GRIA1: variants seen among roughly 807,000 people sequenced by gnomAD.
GRIA1 encodes glutamate ionotropic receptor AMPA type subunit 1.
In GRIA1, 31 loss-of-function variants were observed where a neutral mutation model predicts 99.2. That is an observed-to-expected ratio of 0.31 (90% CI 0.23 to 0.42). The LOEUF (loss-of-function observed/expected upper bound fraction) is 0.42. Ranked by LOEUF, GRIA1 falls within the 10% of genes least tolerant of loss-of-function variation. The probability of loss-of-function intolerance (pLI) is 1.00; values close to 1 mark genes in which losing one functional copy is unlikely to be tolerated. For synonymous variants in GRIA1, 438 were observed against 432.4 expected, an observed-to-expected ratio of 1.01 and a Z score of -0.16; for missense variants, 782 against 1,157.5, an observed-to-expected ratio of 0.68 and a Z score of 4.71.
At position 153,705,693 on chromosome 5, in the gene GRIA1, T is replaced by TTTTTTTTC; in HGVS notation, c.1453-4_1453-3insTTTTTTTC. On this transcript the variant is annotated splice_polypyrimidine_tract_variant and splice_region_variant and intron_variant, in intron 10 of 15. Coordinates refer to ENST00000285900, the MANE Select transcript of GRIA1 (RefSeq NM_000827.4). ...TTTTTTTTTTTTTTTTTTTTTTTTT[T>TTTTTTTTC]CAGAGAGCAGATGTGGCTGTGGCTC... 1.8e-6 allele frequency: 2 copies of TTTTTTTTC among 1,101,464 alleles called. No individual in the cohort carries two copies. Among genetic ancestry groups the TTTTTTTTC allele is most frequent in the Admixed American group, 3.7e-5 (1 of 27,112 alleles). 68.2% of individuals were successfully genotyped at this position (1,101,464 alleles called of 1,614,324 possible). A position where few individuals can be genotyped will look rare whatever the true frequency, so the allele number is the denominator to read the frequency against.
Position 153,725,757 on chromosome 5 carries a change from A to G in GRIA1, c.1823+19690A>G, listed in dbSNP as rs558884943. Among the ~76,000 whole-genome samples the G allele has an allele frequency of 2.3e-4, 27 of 118,360 alleles. 1 individual carries two copies. The South Asian group carries it at 6.2e-3, about 27-fold the overall frequency. The allele number at this position is 118,360 out of a possible 152,430, so 77.6% of individuals were successfully genotyped here. A position where few individuals can be genotyped will look rare whatever the true frequency, so the allele number is the denominator to read the frequency against. On this transcript the variant is annotated intron_variant, in intron 11 of 15. Transcript: ENST00000285900. ...TCATAAAGCAAGTCCTGAGTGACCT[A>G]TGAAGAGACTTAGACTCCCACACAA...
At chr5:153,658,132 C>T (rs1027159361) in intron 5 of GRIA1, among the ~76,000 whole-genome samples, 4 of 152,140 alleles carry the variant, frequency 2.6e-5, no homozygotes, top group African/African-American at 9.7e-5. Context: ...AGGCAGTATT[C>T]AGGCCTTTTC....
intron 2 of GRIA1, among the ~76,000 whole-genome samples, chr5:153,535,588 G>A (rs565039996): frequency 3.8e-4 from 58 of 152,350 alleles, no homozygotes; most frequent in Non-Finnish European, 6.8e-4. Context: ...TGAGTAATGT[G>A]AATGTGAACA....
In GRIA1 at chr5:153,770,331, G is replaced by A. The variant is rs370642711; in HGVS notation, c.2186G>A (p.Arg729Gln). ...ACCATGAATGAGTACATTGAGCAGCGGAAACCCTGTGACACCATGAAGGTG... is the reference window on the plus strand; with the variant it reads ...ACCATGAATGAGTACATTGAGCAGCAGAAACCCTGTGACACCATGAAGGTG... ...ESTMNEYIEQ[R>Q]KPCDTMKVGG... is the part of the protein sequence containing the mutation. Residue 729 changes from arginine to glutamine, a missense_variant, in exon 13 of 16, where the codon CGG becomes CAG. Coordinates refer to ENST00000285900, the MANE Select transcript of GRIA1 (RefSeq NM_000827.4). The A allele has an allele frequency of 1.8e-5, 29 of 1,613,798 alleles. No individual in the cohort carries two copies. Among genetic ancestry groups the A allele is most frequent in the African/African-American group, 5.3e-5 (4 of 74,878 alleles).
chr5:153,545,759 CT>C (rs1407160515), intron 2 of GRIA1, among the ~76,000 whole-genome samples: 7 of 152,156 alleles, frequency 4.6e-5, no homozygotes, highest in Non-Finnish European at 1.0e-4. Context: ...TGATTGGTCC[CT>C]CTTATAATTG....
intron 2 of GRIA1, among the ~76,000 whole-genome samples, chr5:153,511,952 C>G (rs916209342): frequency 6.6e-6 from 1 of 152,194 alleles, no homozygotes; most frequent in Non-Finnish European, 1.5e-5. Context: ...AGATGTCTAC[C>G]CTGAAATAAC....
At chr5:153,799,448 T>G (rs760024933) in intron 14 of GRIA1, among the ~76,000 whole-genome samples, 6 of 152,230 alleles carry the variant, frequency 3.9e-5, no homozygotes, top group South Asian at 2.1e-4. Flanking sequence ...ATCAAAAAGC[T>G]AATGACACGC....
chr5:153,559,392 G>A (rs561297415), intron 2 of GRIA1, among the ~76,000 whole-genome samples: 2 of 152,268 alleles, frequency 1.3e-5, no homozygotes, highest in South Asian at 2.1e-4. Context: ...TCCAGTCCCT[G>A]TTTTGTTATC....
intron 2 of GRIA1, among the ~76,000 whole-genome samples, chr5:153,552,134 A>G (rs2113547447): frequency 6.6e-6 from 1 of 152,102 alleles, no homozygotes; most frequent in East Asian, 1.9e-4. Flanking sequence ...CAGTGATTTT[A>G]TGTGTAGCAT....
chr5:153,621,521 A>C (rs1280831107), intron 2 of GRIA1, among the ~76,000 whole-genome samples: 1 of 152,176 alleles, frequency 6.6e-6, no homozygotes, highest in Non-Finnish European at 1.5e-5. Flanking sequence ...CTTACATCAG[A>C]AACCATGTGG....
At chr5:153,722,689 T>C (rs6891987) in intron 11 of GRIA1, among the ~76,000 whole-genome samples, 80,898 of 152,090 alleles carry the variant, frequency 0.53, 22,379 homozygotes, top group East Asian at 0.94. Flanking sequence ...GGGTATTACC[T>C]TATCTTAACT....
chr5:153,563,237 C>T (rs1761309373), intron 2 of GRIA1, among the ~76,000 whole-genome samples: 1 of 151,788 alleles, frequency 6.6e-6, no homozygotes, highest in Non-Finnish European at 1.5e-5. Context: ...TGGAGCTTTG[C>T]CTTTTCCCTT....
At chr5:153,519,137 AC>A (rs1204632967) in intron 2 of GRIA1, among the ~76,000 whole-genome samples, 36 of 152,114 alleles carry the variant, frequency 2.4e-4, no homozygotes, top group African/African-American at 8.7e-4. Flanking sequence ...GATGGCACGC[AC>A]CTGTAGTCCA....
At chr5:153,747,241 G>C (rs1036894765) in intron 11 of GRIA1, among the ~76,000 whole-genome samples, 3 of 152,154 alleles carry the variant, frequency 2.0e-5, no homozygotes, top group Admixed American at 1.3e-4. Context: ...GAGGAGCAGC[G>C]TGTCACATGG....
At chr5:153,793,043 A>G (rs1208922816) in intron 13 of GRIA1, among the ~76,000 whole-genome samples, 1 of 152,216 alleles carries the variant, frequency 6.6e-6, no homozygotes, top group African/African-American at 2.4e-5. Context: ...TGACAAGCAT[A>G]AATAAAAGGT....
At chr5:153,673,557 T>G (rs1756353286) in intron 5 of GRIA1, among the ~76,000 whole-genome samples, 1 of 152,208 alleles carries the variant, frequency 6.6e-6, no homozygotes, top group South Asian at 2.1e-4. Context: ...AGTGACTGAG[T>G]GAACCAATGC....
chr5:153,622,662 T>C (rs915272963), intron 2 of GRIA1, among the ~76,000 whole-genome samples: 3 of 152,230 alleles, frequency 2.0e-5, no homozygotes, highest in Admixed American at 2.0e-4. Context: ...ATAACAAATA[T>C]GAAAATAGAT....
intron 2 of GRIA1, among the ~76,000 whole-genome samples, chr5:153,535,589 A>G (rs957703784): frequency 6.6e-6 from 1 of 152,258 alleles, no homozygotes; most frequent in Non-Finnish European, 1.5e-5. Flanking sequence ...GAGTAATGTG[A>G]ATGTGAACAG....
chr5:153,718,416 G>A lies in GRIA1; in HGVS notation c.1823+12349G>A, dbSNP rs778079532. On this transcript the variant is annotated intron_variant, in intron 11 of 15. Transcript: ENST00000285900. The stretch of plus-strand genomic sequence containing the variant: ...GGTAAGACAAAGGGGTCGGCGGGGC[G>A]AGTCAAGCAAAGAAGGGGAGATGAC... 3.3e-5 allele frequency among the ~76,000 whole-genome samples: 5 copies of A among 152,196 alleles called. No homozygotes were observed. The East Asian group carries it at 5.8e-4, about 18-fold the overall frequency.
Sources: allele counts gnomAD v4.1 joint callset (sites outside exome capture counted in the v4.1 genomes callset), GRCh38; gene constraint gnomAD v4.1.1; transcripts MANE v1.5; gene names NCBI Gene and HGNC (gene_info 2026-07-23, HGNC 2026-07-21).